Variants in DNAAF4 observed in about 807,000 individuals in gnomAD.
The protein encoded by DNAAF4 is dynein axonemal assembly factor 4.
A neutral mutation model predicts 51.8 loss-of-function variants in DNAAF4; 43 were observed. That is an observed-to-expected ratio of 0.83 (90% CI 0.65 to 1.07). The LOEUF is 1.07. Ranked by LOEUF, DNAAF4 falls within the 50% of genes least tolerant of loss-of-function variation. The probability of loss-of-function intolerance (pLI) is 0.00; values close to 1 mark genes in which losing one functional copy is unlikely to be tolerated. For synonymous variants in DNAAF4, 194 were observed against 165.6 expected, an observed-to-expected ratio of 1.17 and a Z score of -1.32; for missense variants, 581 against 493.0, an observed-to-expected ratio of 1.18 and a Z score of -1.69.
intron 3 of DNAAF4, among the ~76,000 whole-genome samples, chr15:55,496,859 G>A (rs1274924010): frequency 6.6e-6 from 1 of 152,074 alleles, no homozygotes; most frequent in Admixed American, 6.5e-5. Context: ...CAAATGCAGG[G>A]AGAGGTTTTG....
intron 4 of DNAAF4, among the ~76,000 whole-genome samples, chr15:55,482,001 T>G (rs1251263349): frequency 6.6e-6 from 1 of 152,240 alleles, no homozygotes; most frequent in Non-Finnish European, 1.5e-5. Context: ...TCTTTTAGTT[T>G]AGTACAAACC....
rs1432579822 is a variant in DNAAF4 at position 55,439,590 on chromosome 15, A to T, written c.784-9T>A. On this transcript the variant is annotated splice_polypyrimidine_tract_variant and intron_variant, in intron 6 of 9. Coordinates refer to ENST00000321149, the MANE Select transcript of DNAAF4 (RefSeq NM_130810.4). ...GCTTGTTTGTGTAGCCACTAGAATG[A>T]GAAAGAAGTCTTATGAAGAATAAAA... 6.2e-7 allele frequency: 1 copy of T among 1,610,252 alleles called. No homozygotes were observed. The highest frequency in any genetic ancestry group is 8.5e-7 in the Non-Finnish European group (1 of 1,177,552).
At chr15:55,479,666 A>G (rs1237257350) in intron 4 of DNAAF4, among the ~76,000 whole-genome samples, 1 of 152,158 alleles carries the variant, frequency 6.6e-6, no homozygotes, top group East Asian at 1.9e-4. Flanking sequence ...ATATCGCTAA[A>G]TTCTTTTCCT....
At chr15:55,455,350 T>A (rs1417170908) in intron 5 of DNAAF4, among the ~76,000 whole-genome samples, 2 of 146,640 alleles carry the variant, frequency 1.4e-5, no homozygotes, top group African/African-American at 5.1e-5. Context: ...AATATGAAGA[T>A]AAATGTGACA....
intron 5 of DNAAF4, among the ~76,000 whole-genome samples, chr15:55,459,619 G>T (rs2058065911): frequency 1.3e-5 from 2 of 151,914 alleles, no homozygotes; most frequent in Non-Finnish European, 2.9e-5. Flanking sequence ...AACATATAAG[G>T]ACTCATAAAC....
chr15:55,418,144 G>A, intron 7 of DNAAF4: 1 of 1,570,638 alleles, frequency 6.4e-7, no homozygotes, highest in East Asian at 2.2e-5. Flanking sequence ...CTGAAAAAGG[G>A]AAGTGGGTGG....
rs181678529 is a variant in DNAAF4, at chr15:55,480,525, G to C, written c.405+10598C>G. On this transcript the variant is annotated intron_variant, in intron 4 of 9. Transcript: ENST00000321149. Reference sequence around the variant, plus strand: ...TTACGTTTACTAGCCAAATGGACTGGAACCAATTGTTTGCACTGCACACTT... The same window carrying C: ...TTACGTTTACTAGCCAAATGGACTGCAACCAATTGTTTGCACTGCACACTT... 4.1e-3 allele frequency among the ~76,000 whole-genome samples: 629 copies of C among 152,122 alleles called. 7 individuals carry two copies. The highest frequency in any genetic ancestry group is 0.014 in the African/African-American group (585 of 41,502).
At chr15:55,446,305 G>C (rs2057812362) in intron 6 of DNAAF4, among the ~76,000 whole-genome samples, 2 of 119,774 alleles carry the variant, frequency 1.7e-5, no homozygotes, top group African/African-American at 3.5e-5. Context: ...ACGGGGGGGG[G>C]GGGCAGCTGG....
chr15:55,430,605 G>A lies in DNAAF4; in HGVS notation c.*65C>T. The A allele has an allele frequency of 6.4e-7, 1 of 1,562,564 alleles. No individual in the cohort carries two copies. Among genetic ancestry groups the A allele is most frequent in the South Asian group, 1.2e-5 (1 of 85,238 alleles). On this transcript the variant is annotated 3_prime_UTR_variant, in exon 10 of 10. Coordinates refer to ENST00000321149, the MANE Select transcript of DNAAF4 (RefSeq NM_130810.4). ...GATTCTGTACAACTGGCCATAATAT[G>A]TACAAAGATGCCTCCAGTTGTTTTT...
At chr15:55,460,237 G>A (rs558715914) in intron 5 of DNAAF4, among the ~76,000 whole-genome samples, 17 of 146,416 alleles carry the variant, frequency 1.2e-4, no homozygotes, top group South Asian at 4.3e-4. Flanking sequence ...CTGGAGTGCC[G>A]TGGTGCAGTC....
intron 7 of DNAAF4, among the ~76,000 whole-genome samples, chr15:55,424,432 T>C (rs2057413092): frequency 6.6e-6 from 1 of 152,234 alleles, no homozygotes; most frequent in African/African-American, 2.4e-5. Flanking sequence ...CACCTACTTT[T>C]TCCCTAGATG....
intron 5 of DNAAF4, among the ~76,000 whole-genome samples, chr15:55,451,257 T>C (rs1459043413): frequency 6.6e-6 from 1 of 152,226 alleles, no homozygotes; most frequent in Non-Finnish European, 1.5e-5. Context: ...AACACAGTCG[T>C]TGAGCACTGT....
At chr15:55,488,431 C>G (rs1323670733) in intron 4 of DNAAF4, among the ~76,000 whole-genome samples, 1 of 152,182 alleles carries the variant, frequency 6.6e-6, no homozygotes, top group African/African-American at 2.4e-5. Flanking sequence ...TTTGCTCTTA[C>G]TGGATCGTCA....
At chr15:55,465,912 C>T (rs1443624807) in intron 5 of DNAAF4, among the ~76,000 whole-genome samples, 1 of 151,972 alleles carries the variant, frequency 6.6e-6, no homozygotes, top group Non-Finnish European at 1.5e-5. Flanking sequence ...GATGCCAAGG[C>T]ATAAGAATGA....
intron 7 of DNAAF4, chr15:55,418,546 T>C: frequency 2.7e-6 from 4 of 1,489,864 alleles, no homozygotes; most frequent in Non-Finnish European, 3.6e-6. Context: ...CTCTTGATTT[T>C]CCTAATATTC....
chr15:55,482,443 G>A (rs1030844788), intron 4 of DNAAF4, among the ~76,000 whole-genome samples: 1 of 152,098 alleles, frequency 6.6e-6, no homozygotes, highest in Non-Finnish European at 1.5e-5. Context: ...TTGGGAGGCC[G>A]AGGTGGGTGG....
chr15:55,436,074 C>G (rs2057604555), intron 7 of DNAAF4, among the ~76,000 whole-genome samples: 1 of 152,194 alleles, frequency 6.6e-6, no homozygotes, highest in Non-Finnish European at 1.5e-5. Flanking sequence ...AGGCGTGAGC[C>G]ATTGCGCCCG....
At chr15:55,441,961 T>C (rs886230719) in intron 6 of DNAAF4, among the ~76,000 whole-genome samples, 22 of 152,250 alleles carry the variant, frequency 1.4e-4, no homozygotes, top group African/African-American at 4.8e-4. Context: ...ACTTATAATG[T>C]ATATGCATAT....
chr15:55,466,683 G>C (rs2058175110), intron 5 of DNAAF4, among the ~76,000 whole-genome samples: 2 of 152,162 alleles, frequency 1.3e-5, no homozygotes, highest in South Asian at 4.1e-4. Flanking sequence ...AATTTCAAAA[G>C]AAAGCACACA....
Sources: gnomAD v4.1 joint callset for allele counts (sites outside exome capture counted in the v4.1 genomes callset) on GRCh38, gnomAD v4.1.1 for gene constraint, MANE v1.5 for transcripts, NCBI Gene and HGNC (gene_info 2026-07-23, HGNC 2026-07-21) for gene names.